MKLN1: variants seen among roughly 807,000 people sequenced by gnomAD.
MKLN1 encodes the protein muskelin 1, also known as muskelin.
Under a neutral mutation model 99.0 loss-of-function variants are expected in MKLN1, and 18 were observed. That is an observed-to-expected ratio of 0.18 (90% CI 0.13 to 0.27). The LOEUF is 0.27. MKLN1 is among the 10% of genes least tolerant of loss of function. The pLI is 1.00. For synonymous variants in MKLN1, 288 were observed against 293.2 expected (o/e 0.98, Z 0.18); for missense variants, 621 against 875.9 (o/e 0.71, Z 3.67).
At chr7:131,193,315 C>T (rs1473540581) in intron 2 of MKLN1, among the ~76,000 whole-genome samples, 1 of 152,114 alleles carries the variant, frequency 6.6e-6, no homozygotes, top group East Asian at 1.9e-4. Flanking sequence ...AACCTATAGT[C>T]AACCCAATGG....
chr7:131,244,317 G>C (rs528421788), intron 3 of MKLN1, among the ~76,000 whole-genome samples: 1 of 152,032 alleles, frequency 6.6e-6, no homozygotes, highest in Non-Finnish European at 1.5e-5. Context: ...TTCATGACCC[G>C]CTCCTCCCTC....
chr7:131,346,137 A>G (rs2088075209), intron 1 of MKLN1, among the ~76,000 whole-genome samples: 1 of 152,244 alleles, frequency 6.6e-6, no homozygotes. Flanking sequence ...TTTTGACTGT[A>G]TAAGAAGAGG....
At chr7:131,453,570 C>G (rs1201867038) in intron 12 of MKLN1, among the ~76,000 whole-genome samples, 1 of 151,956 alleles carries the variant, frequency 6.6e-6, no homozygotes, top group Non-Finnish European at 1.5e-5. Context: ...AAATCTGGAT[C>G]CCTACTTGAC....
At chr7:131,168,468 C>T (rs142575287) in intron 2 of MKLN1, among the ~76,000 whole-genome samples, 481 of 152,274 alleles carry the variant, frequency 3.2e-3, no homozygotes, top group Non-Finnish European at 5.6e-3. Context: ...TGAGGCTAAG[C>T]CACCATATTA....
intron 1 of MKLN1, among the ~76,000 whole-genome samples, chr7:131,362,233 T>C (rs1417045126): frequency 6.6e-6 from 1 of 152,058 alleles, no homozygotes; most frequent in Non-Finnish European, 1.5e-5. Context: ...ATTAGTGAAC[T>C]ATGGAGTGTA....
chr7:131,375,930 A>T (rs1427851130), intron 2 of MKLN1, among the ~76,000 whole-genome samples: 1 of 150,272 alleles, frequency 6.7e-6, no homozygotes, highest in Non-Finnish European at 1.5e-5. Flanking sequence ...TCTGGGGTTG[A>T]CTGAATTTAA....
intron 3 of MKLN1, among the ~76,000 whole-genome samples, chr7:131,312,300 G>A (rs1010088581): frequency 6.6e-5 from 10 of 152,132 alleles, no homozygotes; most frequent in African/African-American, 2.4e-4. Context: ...TGGGATTACA[G>A]GTGTGAGCCA....
chr7:131,266,879 A>AT (rs1797816588), intron 3 of MKLN1, among the ~76,000 whole-genome samples: 2 of 151,990 alleles, frequency 1.3e-5, no homozygotes, highest in Admixed American at 1.3e-4. Context: ...TGTCTTGGGG[A>AT]AAAAGGATAG....
chr7:131,197,802 T>G (rs772907043), intron 2 of MKLN1, among the ~76,000 whole-genome samples: 53 of 151,830 alleles, frequency 3.5e-4, no homozygotes, highest in Non-Finnish European at 6.6e-4. Context: ...AAAGTATGAG[T>G]GATTTCTAAT....
intron 16 of MKLN1, among the ~76,000 whole-genome samples, chr7:131,474,968 G>C (rs954576992): frequency 9.9e-5 from 15 of 152,056 alleles, no homozygotes; most frequent in African/African-American, 3.4e-4. Flanking sequence ...AATGAGGGGG[G>C]AAATGCCACA....
chr7:131,118,587 AG>A (rs1795314239), intron 1 of MKLN1, among the ~76,000 whole-genome samples: 1 of 151,946 alleles, frequency 6.6e-6, no homozygotes. Context: ...AAAGAAAGAA[AG>A]ACATACCTGA....
chr7:131,179,676 G>A (rs1046330564), intron 2 of MKLN1, among the ~76,000 whole-genome samples: 3 of 151,300 alleles, frequency 2.0e-5, no homozygotes, highest in African/African-American at 7.3e-5. Flanking sequence ...CTGGGTTCAA[G>A]CAATTCTCCT....
At chr7:131,140,331 G>A (rs1426783617) in intron 1 of MKLN1, among the ~76,000 whole-genome samples, 1 of 151,690 alleles carries the variant, frequency 6.6e-6, no homozygotes, top group South Asian at 2.1e-4. Context: ...TTTTTCAGGG[G>A]TCCTTTCTCT....
At chr7:131,234,401 A>C (rs781397097) in intron 3 of MKLN1, among the ~76,000 whole-genome samples, 1 of 152,078 alleles carries the variant, frequency 6.6e-6, no homozygotes, top group Non-Finnish European at 1.5e-5. Flanking sequence ...AATGTCCCCA[A>C]ATATGCCAGT....
intron 1 of MKLN1, among the ~76,000 whole-genome samples, chr7:131,359,701 G>C (rs533746066): frequency 6.6e-6 from 1 of 151,772 alleles, no homozygotes; most frequent in South Asian, 2.1e-4. Flanking sequence ...TTGGAGAATT[G>C]ACAGTTTTTA....
At chr7:131,417,107 A>G (rs1584719612) in intron 8 of MKLN1, among the ~76,000 whole-genome samples, 1 of 152,104 alleles carries the variant, frequency 6.6e-6, no homozygotes, top group South Asian at 2.1e-4. Flanking sequence ...TTTACTCCAG[A>G]TGGGACCTTT....
At chr7:131,302,619 G>C (rs1220701816) in intron 3 of MKLN1, among the ~76,000 whole-genome samples, 3 of 152,200 alleles carry the variant, frequency 2.0e-5, no homozygotes, top group Non-Finnish European at 4.4e-5. Flanking sequence ...CCATAGCTGA[G>C]TGGTGTTCAG....
At chr7:131,261,136 T>A (rs1318794540) in intron 3 of MKLN1, among the ~76,000 whole-genome samples, 1 of 152,128 alleles carries the variant, frequency 6.6e-6, no homozygotes, top group African/African-American at 2.4e-5. Context: ...AAACAAAAAT[T>A]GACAAATGGG....
In MKLN1 at chr7:131,178,436, T is replaced by C. The variant is rs1255464957; in HGVS notation, c.-296-24421T>C. The stretch of plus-strand genomic sequence containing the variant: ...ACAGGCATGAGCCACCTACAACTTA[T>C]TGTCTATCCCTAAGTACAAAAGGAG... On this transcript the variant is annotated intron_variant, in intron 2 of 7. Coordinates refer to the MKLN1 transcript ENST00000416992. Among the ~76,000 whole-genome samples the C allele has an allele frequency of 2.6e-5, 4 of 151,734 alleles. No individual in the cohort carries two copies. The East Asian group carries it at 7.8e-4, about 29-fold the overall frequency.
Sources: allele counts gnomAD v4.1 joint callset (sites outside exome capture counted in the v4.1 genomes callset), GRCh38; gene constraint gnomAD v4.1.1; transcripts MANE v1.5; gene names NCBI Gene and HGNC (gene_info 2026-07-23, HGNC 2026-07-21).